The following SLC38A6 variants were observed in gnomAD, a reference collection of about 807,000 sequenced individuals.
SLC38A6 encodes the protein N system amino acid transporter NAT-1.
SLC38A6 carries 73 observed loss-of-function variants against 65.0 expected under a neutral mutation model. That is an observed-to-expected ratio of 1.12 (90% CI 0.93 to 1.37). The LOEUF (loss-of-function observed/expected upper bound fraction) is 1.37, where lower values mean the gene tolerates loss of function less well. Among genes scored for constraint, SLC38A6 ranks in the 40% most tolerant of loss-of-function variants. SLC38A6 has a pLI of 0.00. For missense variants in SLC38A6, 561 were observed against 531.1 expected, an observed-to-expected ratio of 1.06 and a Z score of -0.55; for synonymous variants, 183 against 178.8, an observed-to-expected ratio of 1.02 and a Z score of -0.19.
intron 4 of SLC38A6, 72 bp from the exon 5 acceptor site, chr14:61,019,469 G>A: frequency 6.6e-7 from 1 of 1,515,994 alleles, no homozygotes; most frequent in Non-Finnish European, 9.1e-7. Context: ...ATAGTTACTG[G>A]ATTTTAATAA....
At chr14:61,032,696 T>A (rs969622310) in intron 6 of SLC38A6, among the ~76,000 whole-genome samples, 3 of 151,896 alleles carry the variant, frequency 2.0e-5, no homozygotes, top group Admixed American at 2.0e-4. Context: ...TGAATGCAGA[T>A]AAATCATTAG....
At chr14:61,000,016 AT>A (rs1472649388) in intron 3 of SLC38A6, among the ~76,000 whole-genome samples, 1 of 152,264 alleles carries the variant, frequency 6.6e-6, no homozygotes, top group Non-Finnish European at 1.5e-5. Context: ...TGCCATAACA[AT>A]GAAATAAAGA....
At chr14:61,042,467 A>G (rs1457259188) in intron 8 of SLC38A6, among the ~76,000 whole-genome samples, 1 of 152,250 alleles carries the variant, frequency 6.6e-6, no homozygotes, top group Non-Finnish European at 1.5e-5. Context: ...GTCTGATAAC[A>G]GGATGGCCAC....
At chr14:61,050,668 T>C (rs763472726) in intron 13 of SLC38A6, 32 bp downstream of exon 13, 8 of 1,461,660 alleles carry the variant, frequency 5.5e-6, no homozygotes, top group South Asian at 1.6e-5. Context: ...TGTTGCCTAG[T>C]ATAGACGCTT....
chr14:60,981,263 C>T lies in SLC38A6; in HGVS notation c.-15C>T. The T allele has an allele frequency of 1.3e-6, 2 of 1,588,124 alleles. No individual in the cohort carries two copies. The highest frequency in any genetic ancestry group is 1.7e-6 in the Non-Finnish European group (2 of 1,167,310). On this transcript the variant is annotated 5_prime_UTR_variant, in exon 1 of 16. Transcript: ENST00000267488. ...GAGGCTCGTAGATGGAACTGGTAGT[C>T]AGCTGGAGAGCAGCATGGAGGCGTC...
rs535834293 is a variant in SLC38A6, at chr14:61,061,144, C to T, written c.1290+9009C>T. On this transcript the variant is annotated intron_variant, in intron 15 of 16. Transcript: ENST00000354886. Reference sequence around the variant, plus strand: ...TTCCTATTCGGCCATCTTGGCTCCTCCCCCAAGTGTTGAATTTTATCAGAA... The same window carrying T: ...TTCCTATTCGGCCATCTTGGCTCCTTCCCCAAGTGTTGAATTTTATCAGAA... 1.5e-4 allele frequency among the ~76,000 whole-genome samples: 23 copies of T among 152,252 alleles called. No individual in the cohort carries two copies. In the South Asian group the frequency reaches 4.8e-3, roughly 32 times the overall value.
intron 5 of SLC38A6, among the ~76,000 whole-genome samples, chr14:61,025,198 A>T (rs973664411): frequency 6.6e-6 from 1 of 152,210 alleles, no homozygotes; most frequent in African/African-American, 2.4e-5. Flanking sequence ...TATAAATAAG[A>T]TCATTTTCAA....
chr14:60,981,586 T>C (rs894216865), intron 1 of SLC38A6: 3 of 1,513,346 alleles, frequency 2.0e-6, no homozygotes, highest in Admixed American at 2.0e-5. Context: ...TAGCATACTC[T>C]AGAAAGAAAA....
At chr14:61,005,431 C>T (rs1376347637) in intron 3 of SLC38A6, among the ~76,000 whole-genome samples, 1 of 141,518 alleles carries the variant, frequency 7.1e-6, no homozygotes, top group East Asian at 2.0e-4. Flanking sequence ...ATCTAGAAAA[C>T]CCCATTGTCT....
chr14:61,046,757 ACTGT>A (rs2139822731), intron 12 of SLC38A6, among the ~76,000 whole-genome samples: 1 of 152,228 alleles, frequency 6.6e-6, no homozygotes, highest in Non-Finnish European at 1.5e-5. Context: ...TTTTGCAAAA[ACTGT>A]CTGCTTTGTA....
chr14:61,030,263 C>CTGTGTGTGTGTG (rs3080609), intron 5 of SLC38A6, among the ~76,000 whole-genome samples, 182 bp from the exon 6 acceptor site: 14 of 148,726 alleles, frequency 9.4e-5, no homozygotes, highest in Non-Finnish European at 1.5e-4. Flanking sequence ...AGTTACTTTT[C>CTGTGTGTGTGTG]TGTGTGTGTG....
intron 4 of SLC38A6, among the ~76,000 whole-genome samples, chr14:61,017,030 T>C (rs182337166): frequency 1.3e-5 from 2 of 152,244 alleles, no homozygotes; most frequent in Admixed American, 1.3e-4. Context: ...TCCAGTTAAC[T>C]TTGGTGGAGT....
At chr14:61,035,614 CA>C (rs1434242970) in intron 6 of SLC38A6, among the ~76,000 whole-genome samples, 1 of 152,126 alleles carries the variant, frequency 6.6e-6, no homozygotes, top group African/African-American at 2.4e-5. Flanking sequence ...TTGGCACGAT[CA>C]CTAGCAATGT....
intron 4 of SLC38A6, among the ~76,000 whole-genome samples, chr14:61,016,738 C>T (rs979684696): frequency 6.6e-6 from 1 of 152,078 alleles, no homozygotes; most frequent in Admixed American, 6.5e-5. Context: ...AACAGGAATT[C>T]TTTTGTTTGT....
At chr14:61,018,661 T>C (rs1462698430) in intron 4 of SLC38A6, among the ~76,000 whole-genome samples, 1 of 152,204 alleles carries the variant, frequency 6.6e-6, no homozygotes, top group Non-Finnish European at 1.5e-5. Flanking sequence ...TTTTACTGTT[T>C]CCTCTAAGCA....
intron 7 of SLC38A6, 102 bp downstream of exon 7, chr14:61,037,243 AT>A: frequency 1.2e-6 from 1 of 839,524 alleles, no homozygotes; most frequent in African/African-American, 1.8e-5. Context: ...ACAGTACCAC[AT>A]TTTTGGCAGA....
intron 3 of SLC38A6, among the ~76,000 whole-genome samples, chr14:60,995,235 A>C (rs915749187): frequency 5.9e-5 from 9 of 152,228 alleles, no homozygotes; most frequent in African/African-American, 1.9e-4. Context: ...CCTAAGTGTC[A>C]GTAAGTGAGT....
intron 5 of SLC38A6, among the ~76,000 whole-genome samples, chr14:61,024,448 A>G (rs2040504500): frequency 6.6e-6 from 1 of 152,182 alleles, no homozygotes; most frequent in South Asian, 2.1e-4. Context: ...GTTGAGAGCC[A>G]CTGCTACTGG....
chr14:61,074,482 A>G (rs1293231471), intron 15 of SLC38A6, among the ~76,000 whole-genome samples: 1 of 152,118 alleles, frequency 6.6e-6, no homozygotes, highest in East Asian at 1.9e-4. Flanking sequence ...CATGGTGGAG[A>G]AAGAGTGATC....
Sources: allele counts gnomAD v4.1 joint callset (sites outside exome capture counted in the v4.1 genomes callset), GRCh38; gene constraint gnomAD v4.1.1; transcripts MANE v1.5; gene names NCBI Gene and HGNC (gene_info 2026-07-23, HGNC 2026-07-21).